GRIN2A: variants seen among roughly 807,000 people sequenced by gnomAD.
GRIN2A encodes the protein glutamate ionotropic receptor NMDA type subunit 2A.
GRIN2A carries 22 observed loss-of-function variants against 113.4 expected under a neutral mutation model. The observed-to-expected ratio is 0.19, with a 90% confidence interval of 0.14 to 0.28. The LOEUF (loss-of-function observed/expected upper bound fraction) is 0.28. Ranked by LOEUF, GRIN2A falls within the 10% of genes least tolerant of loss-of-function variation. The pLI is 1.00. For missense variants in GRIN2A, 1,502 were observed against 1,887.0 expected (o/e 0.80, Z 3.78); for synonymous variants, 827 against 738.4 (o/e 1.12, Z -1.94).
chr16:10,161,508 G>A (rs914090285), intron 2 of GRIN2A, among the ~76,000 whole-genome samples: 2 of 152,178 alleles, frequency 1.3e-5, no homozygotes, highest in Non-Finnish European at 2.9e-5. Flanking sequence ...TATGAGGTAG[G>A]AACCAAAATC....
intron 2 of GRIN2A, among the ~76,000 whole-genome samples, chr16:10,146,581 C>T (rs951659837): frequency 6.6e-6 from 1 of 151,876 alleles, no homozygotes; most frequent in African/African-American, 2.4e-5. Context: ...AAAGACTCCC[C>T]CACAGAGTAT....
chr16:9,920,294 T>A (rs1328853454), intron 3 of GRIN2A, among the ~76,000 whole-genome samples: 1 of 152,162 alleles, frequency 6.6e-6, no homozygotes, highest in African/African-American at 2.4e-5. Context: ...TAGGTGAACA[T>A]GGGTAACAGA....
chr16:9,859,892 C>A (rs1025863594), intron 4 of GRIN2A, among the ~76,000 whole-genome samples: 11 of 152,080 alleles, frequency 7.2e-5, no homozygotes, highest in Non-Finnish European at 1.5e-4. Context: ...TTTCCCCTCA[C>A]TTGTTTATTC....
At chr16:10,132,133 G>GCCC (rs1271935013) in intron 2 of GRIN2A, among the ~76,000 whole-genome samples, 1 of 151,802 alleles carries the variant, frequency 6.6e-6, no homozygotes, top group African/African-American at 2.4e-5. Context: ...GGAATTCAAG[G>GCCC]CCAGCCTGGC....
chr16:10,097,033 A>C (rs1214173695), intron 2 of GRIN2A, among the ~76,000 whole-genome samples: 2 of 152,164 alleles, frequency 1.3e-5, no homozygotes, highest in African/African-American at 4.8e-5. Flanking sequence ...CATGGTGCAA[A>C]AGTTGCTCCC....
intron 4 of GRIN2A, among the ~76,000 whole-genome samples, chr16:9,857,171 C>G (rs1052085403): frequency 1.3e-5 from 2 of 152,070 alleles, no homozygotes; most frequent in Non-Finnish European, 1.5e-5. Context: ...AAGAAAGTGT[C>G]CTAGTCAAGA....
intron 2 of GRIN2A, among the ~76,000 whole-genome samples, chr16:10,019,907 C>G (rs539108095): frequency 9.9e-5 from 15 of 152,228 alleles, no homozygotes; most frequent in African/African-American, 3.1e-4. Flanking sequence ...ATTTGTGAAG[C>G]GATTAGATCT....
rs1429228993 is a variant in GRIN2A at position 9,764,227 on chromosome 16, A to C, written c.3317T>G (p.Leu1106Arg). 6.2e-7 allele frequency: 1 copy of C among 1,613,796 alleles called. No homozygotes were observed. The highest frequency in any genetic ancestry group is 8.5e-7 in the Non-Finnish European group (1 of 1,179,916). Residue 1106 changes from leucine to arginine, a missense_variant, in exon 13 of 13, where the codon CTG (leucine) becomes CGG (arginine). Leu to Arg is a moderately radical substitution (Grantham distance 102, BLOSUM62 -2). Around this residue, in one of 7 missense-constraint regions of GRIN2A, gnomAD observed 832 missense variants for 789.7 expected, o/e 1.05. Coordinates refer to ENST00000330684, the MANE Select transcript of GRIN2A (RefSeq NM_001134407.3). ...KDCSEVERTY[L>R]KTKSSSPRDK... ...TCTAGGGGAGCTTGATTTGGTTTTCAGGTAGGTGCGCTCGACCTCACTACA... is the reference window on the plus strand; with the variant it reads ...TCTAGGGGAGCTTGATTTGGTTTTCCGGTAGGTGCGCTCGACCTCACTACA...
In GRIN2A at chr16:9,764,258, T is replaced by C; in HGVS notation, c.3286A>G (p.Lys1096Glu). 4 of 1,613,876 alleles carry C rather than the reference T, an allele frequency of 2.5e-6. No homozygotes were observed. Among genetic ancestry groups the C allele is most frequent in the Non-Finnish European group, 2.5e-6 (3 of 1,179,928 alleles). The change falls in exon 13 of 13, where the codon AAG becomes GAG. Residue 1096 changes from lysine to glutamate, a missense_variant. Lys to Glu is a moderately conservative substitution (Grantham distance 56). This residue lies in a region of GRIN2A where 832 missense variants were observed against 789.7 expected (regional missense o/e 1.05). Transcript: ENST00000330684. Reference sequence around the variant, plus strand: ...GTGCGCTCGACCTCACTACAGTCCTTGGGGTATTTGGAGGCCACTGACCTT... The same window carrying C: ...GTGCGCTCGACCTCACTACAGTCCTCGGGGTATTTGGAGGCCACTGACCTT... ...FKRSVASKYPKDCSEVERTYL... is the reference protein window; with the variant it reads ...FKRSVASKYPEDCSEVERTYL...
At chr16:9,951,356 C>G (rs1393287638) in intron 2 of GRIN2A, among the ~76,000 whole-genome samples, 1 of 152,216 alleles carries the variant, frequency 6.6e-6, no homozygotes, top group African/African-American at 2.4e-5. Flanking sequence ...ATTTATTCAC[C>G]TCTCATTGCT....
At chr16:9,908,736 G>A (rs575321666) in intron 3 of GRIN2A, among the ~76,000 whole-genome samples, 2 of 152,358 alleles carry the variant, frequency 1.3e-5, no homozygotes, top group Admixed American at 6.5e-5. Context: ...CTGTGTGGGA[G>A]GAGATCCTCA....
At chr16:10,076,987 T>G (rs532295869) in intron 2 of GRIN2A, among the ~76,000 whole-genome samples, 17 of 152,192 alleles carry the variant, frequency 1.1e-4, no homozygotes, top group Non-Finnish European at 2.4e-4. Context: ...GTGGGGCCAA[T>G]ATCATCACCA....
At chr16:10,116,334 C>T (rs543602972) in intron 2 of GRIN2A, among the ~76,000 whole-genome samples, 1 of 152,238 alleles carries the variant, frequency 6.6e-6, no homozygotes, top group Non-Finnish European at 1.5e-5. Context: ...GAAGGGAGAG[C>T]ATCAGGATAA....
intron 2 of GRIN2A, among the ~76,000 whole-genome samples, chr16:10,173,304 C>A (rs2050080265): frequency 6.6e-6 from 1 of 152,192 alleles, no homozygotes; most frequent in African/African-American, 2.4e-5. Flanking sequence ...ATGGGAAGGC[C>A]CATCACTCGC....
intron 3 of GRIN2A, among the ~76,000 whole-genome samples, chr16:9,935,487 TAAG>T (rs1246424590): frequency 6.7e-6 from 1 of 150,104 alleles, no homozygotes; most frequent in Non-Finnish European, 1.5e-5. Flanking sequence ...ATGTTAATTG[TAAG>T]AAGTATATTC....
chr16:9,864,222 G>A (rs2043122571), intron 4 of GRIN2A, among the ~76,000 whole-genome samples: 1 of 152,102 alleles, frequency 6.6e-6, no homozygotes. Flanking sequence ...CTCTTTTGGG[G>A]AGTATTTACC....
At chr16:9,990,523 C>A (rs1206386953) in intron 2 of GRIN2A, among the ~76,000 whole-genome samples, 1 of 151,006 alleles carries the variant, frequency 6.6e-6, no homozygotes, top group Non-Finnish European at 1.5e-5. Flanking sequence ...TGCACACGCA[C>A]CCCCTGAATC....
Position 9,771,617 on chromosome 16 carries a change from C to A in GRIN2A, c.2357-2528G>T, listed in dbSNP as rs1280188791. ...TCTGTTTGCTGTGTGTTCTGACTCT[C>A]ATGGTGGGTTACTTCCTTGTGACGT... On this transcript the variant is annotated intron_variant, in intron 11 of 12. Transcript: ENST00000330684. Among the ~76,000 whole-genome samples, 9 of 149,296 alleles carry A rather than the reference C, an allele frequency of 6.0e-5. No homozygotes were observed. In the Admixed American group the frequency reaches 6.1e-4, roughly 10 times the overall value.
intron 4 of GRIN2A, among the ~76,000 whole-genome samples, chr16:9,861,668 C>A (rs1026738971): frequency 7.9e-5 from 12 of 152,206 alleles, no homozygotes; most frequent in African/African-American, 2.9e-4. Context: ...AATACCTGAT[C>A]TAAAGAGTAT....
Sources: allele counts gnomAD v4.1 joint callset (sites outside exome capture counted in the v4.1 genomes callset), GRCh38; gene constraint gnomAD v4.1.1; regional missense constraint gnomAD v4.1.1; transcripts MANE v1.5; gene names NCBI Gene and HGNC (gene_info 2026-07-23, HGNC 2026-07-21).